The following HCN1 variants were observed in gnomAD, a reference collection of about 807,000 sequenced individuals.
The protein encoded by HCN1 is potassium/sodium hyperpolarization-activated cyclic nucleotide-gated channel 1.
HCN1 carries 13 observed loss-of-function variants against 78.9 expected under a neutral mutation model. The ratio of observed to expected loss-of-function variants is 0.16; its 90% CI spans 0.11 to 0.26. HCN1 has a LOEUF of 0.26. Ranked by LOEUF, HCN1 falls within the 10% of genes least tolerant of loss-of-function variation. HCN1 has a pLI of 1.00. For synonymous variants in HCN1, 552 were observed against 455.5 expected (o/e 1.21, Z -2.70); for missense variants, 810 against 1,154.3 (o/e 0.70, Z 4.32).
At chr5:45,288,880 A>G (rs1192791363) in intron 6 of HCN1, among the ~76,000 whole-genome samples, 1 of 151,976 alleles carries the variant, frequency 6.6e-6, no homozygotes, top group Non-Finnish European at 1.5e-5. Flanking sequence ...GCACAGGGGG[A>G]AGGCCACATG....
intron 3 of HCN1, among the ~76,000 whole-genome samples, chr5:45,410,199 T>G (rs1387704684): frequency 6.6e-6 from 1 of 152,032 alleles, no homozygotes; most frequent in East Asian, 1.9e-4. Flanking sequence ...TTTATTATCT[T>G]CATTTACTGA....
intron 1 of HCN1, among the ~76,000 whole-genome samples, chr5:45,660,646 T>G (rs1419244538): frequency 3.4e-5 from 5 of 148,866 alleles, no homozygotes; most frequent in Non-Finnish European, 7.4e-5. Flanking sequence ...AAGGCAGGGG[T>G]TGCAATCCTA....
chr5:45,587,947 T>C (rs1744269884), intron 2 of HCN1, among the ~76,000 whole-genome samples: 3 of 152,098 alleles, frequency 2.0e-5, no homozygotes, highest in African/African-American at 2.4e-5. Context: ...TTCTTTTATA[T>C]GAGAATGCAG....
At chr5:45,494,509 C>T (rs902136329) in intron 2 of HCN1, among the ~76,000 whole-genome samples, 78 of 151,818 alleles carry the variant, frequency 5.1e-4, no homozygotes, top group African/African-American at 1.7e-3. Context: ...AGCCCTTTGA[C>T]AGATGAGTAG....
At chr5:45,360,602 C>T (rs1466550929) in intron 4 of HCN1, among the ~76,000 whole-genome samples, 1 of 152,068 alleles carries the variant, frequency 6.6e-6, no homozygotes, top group African/African-American at 2.4e-5. Context: ...ATGCTATAAA[C>T]ACAGCAACAT....
intron 5 of HCN1, among the ~76,000 whole-genome samples, chr5:45,350,296 C>A (rs991343895): frequency 1.3e-5 from 2 of 152,092 alleles, no homozygotes; most frequent in Non-Finnish European, 2.9e-5. Context: ...TCAATAGATG[C>A]AGAAAAGGCC....
At chr5:45,470,379 T>C (rs573904360) in intron 2 of HCN1, among the ~76,000 whole-genome samples, 1 of 152,026 alleles carries the variant, frequency 6.6e-6, no homozygotes, top group East Asian at 1.9e-4. Flanking sequence ...TATTAAAATA[T>C]AAAAACATAT....
chr5:45,372,781 A>C (rs1259525743), intron 4 of HCN1, among the ~76,000 whole-genome samples: 1 of 141,072 alleles, frequency 7.1e-6, no homozygotes, highest in Non-Finnish European at 1.5e-5. Flanking sequence ...TACGTATTCT[A>C]TACACAAAAA....
intron 2 of HCN1, among the ~76,000 whole-genome samples, chr5:45,465,755 G>GAA (rs202183213): frequency 6.7e-6 from 1 of 148,398 alleles, no homozygotes; most frequent in Admixed American, 6.7e-5. Context: ...ACTTTGATGT[G>GAA]AAAAAAAAAA....
At chr5:45,545,665 T>A (rs960907514) in intron 2 of HCN1, among the ~76,000 whole-genome samples, 10 of 152,216 alleles carry the variant, frequency 6.6e-5, no homozygotes, top group Non-Finnish European at 1.3e-4. Flanking sequence ...TTTCTACATA[T>A]GGCTAGCCAG....
chr5:45,432,666 CTAG>C (rs1340512652), intron 3 of HCN1, among the ~76,000 whole-genome samples: 1 of 152,004 alleles, frequency 6.6e-6, no homozygotes, highest in Non-Finnish European at 1.5e-5. Flanking sequence ...CCTTCATGGC[CTAG>C]TGTGTTGAGG....
chr5:45,442,784 A>G (rs1488176141), intron 3 of HCN1, among the ~76,000 whole-genome samples: 1 of 152,036 alleles, frequency 6.6e-6, no homozygotes, highest in Non-Finnish European at 1.5e-5. Flanking sequence ...GCTGCCTTTT[A>G]TCTTACATTT....
intron 3 of HCN1, among the ~76,000 whole-genome samples, chr5:45,460,497 A>G (rs1343008921): frequency 6.6e-6 from 1 of 152,160 alleles, no homozygotes; most frequent in Non-Finnish European, 1.5e-5. Context: ...GAAATACAGG[A>G]CAGAAGAGAA....
chr5:45,399,215 G>A (rs1300279361), intron 3 of HCN1, among the ~76,000 whole-genome samples: 1 of 152,146 alleles, frequency 6.6e-6, no homozygotes, highest in African/African-American at 2.4e-5. Context: ...GACCAGTCCT[G>A]GTTTGGCCAC....
At chr5:45,510,188 A>T (rs1742385824) in intron 2 of HCN1, among the ~76,000 whole-genome samples, 1 of 152,114 alleles carries the variant, frequency 6.6e-6, no homozygotes, top group Non-Finnish European at 1.5e-5. Flanking sequence ...AGCATATATG[A>T]AGGAGTGACT....
chr5:45,501,472 T>C (rs1561179441), intron 2 of HCN1, among the ~76,000 whole-genome samples: 1 of 152,200 alleles, frequency 6.6e-6, no homozygotes, highest in East Asian at 1.9e-4. Context: ...CTTGCTCTTG[T>C]CGCCCAGGCT....
intron 1 of HCN1, among the ~76,000 whole-genome samples, chr5:45,654,874 A>T (rs1417817722): frequency 6.6e-6 from 1 of 152,066 alleles, no homozygotes; most frequent in African/African-American, 2.4e-5. Context: ...TTTTTCCCTC[A>T]TTGCTATTGT....
chr5:45,268,901 A>G (rs1474266305), intron 6 of HCN1, among the ~76,000 whole-genome samples: 3 of 152,230 alleles, frequency 2.0e-5, no homozygotes, highest in African/African-American at 7.2e-5. Context: ...TAAAAGAAGC[A>G]TTTTGAATAC....
intron 3 of HCN1, among the ~76,000 whole-genome samples, chr5:45,410,951 T>G (rs1197131665): frequency 6.6e-6 from 1 of 152,042 alleles, no homozygotes; most frequent in African/African-American, 2.4e-5. Flanking sequence ...GTAGACTCCT[T>G]GATCTCACAG....
Sources: gnomAD v4.1 joint callset for allele counts (sites outside exome capture counted in the v4.1 genomes callset) on GRCh38, gnomAD v4.1.1 for gene constraint, MANE v1.5 for transcripts, NCBI Gene and HGNC (gene_info 2026-07-23, HGNC 2026-07-21) for gene names.